The following OXR1 variants were observed in gnomAD, a reference collection of about 807,000 sequenced individuals.
OXR1 encodes the protein oxidation resistance 1, also known as oxidation resistance protein 1.
OXR1 carries 41 observed loss-of-function variants against 104.6 expected under a neutral mutation model. The observed-to-expected ratio is 0.39, with a 90% CI of 0.31 to 0.51. The LOEUF (loss-of-function observed/expected upper bound fraction) is 0.51, where lower values mean the gene tolerates loss of function less well. OXR1 is among the 20% of genes least tolerant of loss of function. The pLI is 0.77. For missense variants in OXR1, 955 were observed against 1,031.9 expected (o/e 0.93, Z 1.02); for synonymous variants, 348 against 348.4 (o/e 1.00, Z 0.01).
intron 8 of OXR1, among the ~76,000 whole-genome samples, chr8:106,703,916 T>C (rs1830836117): frequency 1.3e-5 from 2 of 152,204 alleles, no homozygotes; most frequent in Admixed American, 1.3e-4. Flanking sequence ...TACTGATATT[T>C]ATATCCCTGT....
chr8:106,333,212 C>A (rs1183669569), intron 1 of OXR1, among the ~76,000 whole-genome samples: 1 of 152,008 alleles, frequency 6.6e-6, no homozygotes, highest in Non-Finnish European at 1.5e-5. Flanking sequence ...TTTTGAGGAA[C>A]TGCCAAACTT....
rs769676755 is a variant in OXR1, at chr8:106,713,931, G to A, written c.1902G>A (p.Glu634=). The A allele has an allele frequency of 1.3e-6, 2 of 1,595,382 alleles. No homozygotes were observed. The highest frequency in any genetic ancestry group is 1.7e-6 in the Non-Finnish European group (2 of 1,174,232). The part of the protein sequence containing the change: ...EPGFIVVKKI[E]ESETIEDSSN... The stretch of plus-strand genomic sequence containing the variant: ...GATTTATAGTAGTAAAAAAGATTGA[G>A]GAGTCTGAAACAATTGAGGATTCTA... Residue 634 remains glutamate (E), a synonymous_variant, in exon 11 of 17, where the codon GAG becomes GAA. Transcript: ENST00000517566.
intron 2 of OXR1, among the ~76,000 whole-genome samples, chr8:106,386,483 G>A (rs895638461): frequency 1.2e-4 from 18 of 152,168 alleles, no homozygotes; most frequent in African/African-American, 4.3e-4. Flanking sequence ...TGTGCCTCTT[G>A]TACTGCCTTG....
intron 3 of OXR1, among the ~76,000 whole-genome samples, chr8:106,677,995 A>C (rs1827775414): frequency 6.6e-6 from 1 of 152,064 alleles, no homozygotes; most frequent in African/African-American, 2.4e-5. Context: ...AATGTTTTGG[A>C]GGTTACAATT....
At chr8:106,441,836 A>G (rs1819796707) in intron 2 of OXR1, among the ~76,000 whole-genome samples, 1 of 152,082 alleles carries the variant, frequency 6.6e-6, no homozygotes, top group South Asian at 2.1e-4. Flanking sequence ...TGGGGTTTTC[A>G]AAATATAAAG....
chr8:106,339,520 ATATATATATATAT>A (rs1207243019), intron 1 of OXR1, among the ~76,000 whole-genome samples: 102 of 8,238 alleles, frequency 0.012, 5 homozygotes, highest in African/African-American at 0.039. Context: ...AAAAAAAAAA[ATATATATATATAT>A]ATATATATAT....
Position 106,373,493 on chromosome 8 carries a change from T to C in OXR1, c.23+13857T>C, listed in dbSNP as rs557091137. ...GCATAAAATTACTAGGCATCCTTCT[T>C]GGATAAAATTCACTTTATTCTAAAA... On this transcript the variant is annotated intron_variant, in intron 2 of 16. Coordinates refer to ENST00000517566, the MANE Select transcript of OXR1 (RefSeq NM_001198533.2). 6.8e-4 allele frequency among the ~76,000 whole-genome samples: 104 copies of C among 152,336 alleles called. No homozygotes were observed. In the Middle Eastern group the frequency reaches 0.017, roughly 25 times the overall value.
rs535420717 is a variant in OXR1, at chr8:106,511,915, G to C, written c.24-7028G>C. Among the ~76,000 whole-genome samples the C allele has an allele frequency of 1.3e-4, 20 of 152,150 alleles. 1 individual carries two copies. In the South Asian group the frequency reaches 3.9e-3, roughly 30 times the overall value. The stretch of plus-strand genomic sequence containing the variant: ...GCCTCAGTTGATACCTCTACCAATA[G>C]GACATATGCTACCTACCTCATAAGC... On this transcript the variant is annotated intron_variant, in intron 2 of 16. Transcript: ENST00000517566.
chr8:106,586,737 G>A (rs1818659879), intron 3 of OXR1, among the ~76,000 whole-genome samples: 1 of 152,136 alleles, frequency 6.6e-6, no homozygotes, highest in South Asian at 2.1e-4. Context: ...AGCAGTGGAG[G>A]AGGAAAATCA....
chr8:106,484,406 G>A lies in OXR1; in HGVS notation c.24-34537G>A, dbSNP rs139003383. ...ATATGTGTACCAAAATATCACATGC[G>A]CTCCATAAACATGTATTAATACAAC... is the stretch of plus-strand genomic sequence containing the variant. On this transcript the variant is annotated intron_variant, in intron 2 of 16. Coordinates refer to ENST00000517566, the MANE Select transcript of OXR1 (RefSeq NM_001198533.2). 5.1e-3 allele frequency among the ~76,000 whole-genome samples: 767 copies of A among 151,824 alleles called. 5 individuals are homozygous for A. The highest frequency in any genetic ancestry group is 0.017 in the African/African-American group (718 of 41,462).
intron 3 of OXR1, among the ~76,000 whole-genome samples, chr8:106,564,302 A>C (rs756343817): frequency 1.3e-5 from 2 of 152,136 alleles, no homozygotes; most frequent in Non-Finnish European, 2.9e-5. Flanking sequence ...TAAAGGGGAG[A>C]TCACCACTGA....
intron 2 of OXR1, among the ~76,000 whole-genome samples, chr8:106,369,421 T>A (rs1237582613): frequency 1.3e-5 from 2 of 152,242 alleles, no homozygotes; most frequent in Non-Finnish European, 2.9e-5. Context: ...ATTTGTCAAT[T>A]TTGGCTTTTG....
At chr8:106,541,628 A>G (rs933530638) in intron 3 of OXR1, among the ~76,000 whole-genome samples, 12 of 152,206 alleles carry the variant, frequency 7.9e-5, no homozygotes, top group African/African-American at 2.9e-4. Context: ...CTTGCTTACC[A>G]GTACCTCGCC....
At chr8:106,716,094 T>C (rs558949942) in intron 11 of OXR1, among the ~76,000 whole-genome samples, 52 of 152,300 alleles carry the variant, frequency 3.4e-4, no homozygotes, top group African/African-American at 1.1e-3. Context: ...TTTTTAAATA[T>C]ATTAGGAATA....
intron 2 of OXR1, among the ~76,000 whole-genome samples, chr8:106,506,544 C>A (rs188887966): frequency 6.6e-6 from 1 of 151,974 alleles, no homozygotes; most frequent in Admixed American, 6.5e-5. Context: ...ACCCAGGAGG[C>A]GGAGCTTGCA....
At chr8:106,450,487 C>T (rs1166171119) in intron 2 of OXR1, among the ~76,000 whole-genome samples, 1 of 152,084 alleles carries the variant, frequency 6.6e-6, no homozygotes, top group East Asian at 1.9e-4. Flanking sequence ...AAAGGAAAAG[C>T]AAAAGCTATC....
At chr8:106,694,036 C>T (rs1201255973) in intron 7 of OXR1, among the ~76,000 whole-genome samples, 1 of 151,836 alleles carries the variant, frequency 6.6e-6, no homozygotes, top group Non-Finnish European at 1.5e-5. Context: ...TTGATTTCTT[C>T]TTTGACCCAT....
intron 2 of OXR1, among the ~76,000 whole-genome samples, chr8:106,460,500 G>C (rs6998946): frequency 0.06 from 9,072 of 152,232 alleles, 956 homozygotes; most frequent in African/African-American, 0.21. Flanking sequence ...TTTGCACCAA[G>C]TAAAGTGATG....
chr8:106,444,690 G>A (rs1341011276), intron 2 of OXR1, among the ~76,000 whole-genome samples: 2 of 152,076 alleles, frequency 1.3e-5, no homozygotes, highest in African/African-American at 4.8e-5. Flanking sequence ...ATTGTTGGGG[G>A]TGGGGGGTGA....
Sources: gnomAD v4.1 joint callset for allele counts (sites outside exome capture counted in the v4.1 genomes callset) on GRCh38, gnomAD v4.1.1 for gene constraint, MANE v1.5 for transcripts, NCBI Gene and HGNC (gene_info 2026-07-23, HGNC 2026-07-21) for gene names.